MDGA2: variants seen among roughly 807,000 people sequenced by gnomAD.
MDGA2 encodes MAM domain-containing glycosylphosphatidylinositol anchor protein 2.
Under a neutral mutation model 117.8 loss-of-function variants are expected in MDGA2, and 40 were observed. That is an observed-to-expected ratio of 0.34 (90% CI 0.26 to 0.44). The LOEUF (loss-of-function observed/expected upper bound fraction) is 0.44, where lower values mean the gene tolerates loss of function less well. Among genes scored for constraint, MDGA2 ranks in the 20% least tolerant of loss-of-function variants. The pLI, the probability that MDGA2 is intolerant of heterozygous loss-of-function variation, is 1.00. For synonymous variants in MDGA2, 452 were observed against 439.0 expected (o/e 1.03, Z -0.37); for missense variants, 1,123 against 1,250.6 (o/e 0.90, Z 1.54).
chr14:47,379,986 A>G (rs1436686380), intron 1 of MDGA2, among the ~76,000 whole-genome samples: 2 of 152,222 alleles, frequency 1.3e-5, no homozygotes, highest in African/African-American at 2.4e-5. Context: ...AGGACTCCTC[A>G]GCAAATGTAA....
At chr14:46,847,615 T>C (rs1457809136) in intron 15 of MDGA2, among the ~76,000 whole-genome samples, 2 of 151,806 alleles carry the variant, frequency 1.3e-5, no homozygotes, top group African/African-American at 4.8e-5. Context: ...TGAGAAAGGA[T>C]TTAGAAAAAA....
At chr14:47,661,523 T>TATGCCTGGTGCACTGAAAGCTC (rs1460599413) in intron 1 of MDGA2, among the ~76,000 whole-genome samples, 7 of 152,172 alleles carry the variant, frequency 4.6e-5, no homozygotes, top group Admixed American at 2.0e-4. Flanking sequence ...TGAATATAGA[T>TATGCCTGGTGCACTGAAAGCTC]ATGCCTGGTG....
intron 1 of MDGA2, among the ~76,000 whole-genome samples, chr14:47,358,651 A>T (rs1227085184): frequency 6.6e-6 from 1 of 152,224 alleles, no homozygotes; most frequent in Non-Finnish European, 1.5e-5. Flanking sequence ...AATCAGTTGC[A>T]TGTCTTTACG....
chr14:47,030,971 A>C (rs1888643856), intron 8 of MDGA2, among the ~76,000 whole-genome samples: 1 of 152,144 alleles, frequency 6.6e-6, no homozygotes, highest in South Asian at 2.1e-4. Flanking sequence ...TGTAGTGACT[A>C]TGTTACTCTT....
At chr14:47,634,240 GTATAT>G (rs1336570066) in intron 1 of MDGA2, among the ~76,000 whole-genome samples, 1 of 152,076 alleles carries the variant, frequency 6.6e-6, no homozygotes, top group African/African-American at 2.4e-5. Context: ...AATGAATTTT[GTATAT>G]TATGACACAT....
At chr14:47,458,376 T>TC (rs974522366) in intron 1 of MDGA2, among the ~76,000 whole-genome samples, 2 of 152,164 alleles carry the variant, frequency 1.3e-5, no homozygotes, top group Non-Finnish European at 2.9e-5. Flanking sequence ...CAAGCAGTTT[T>TC]CCCCTCATGG....
At chr14:47,386,940 T>C (rs1021849385) in intron 1 of MDGA2, among the ~76,000 whole-genome samples, 2 of 152,176 alleles carry the variant, frequency 1.3e-5, no homozygotes, top group African/African-American at 4.8e-5. Flanking sequence ...TTTATGAGGA[T>C]AATATGAAGG....
At chr14:47,085,390 T>C (rs1890860500) in intron 6 of MDGA2, among the ~76,000 whole-genome samples, 1 of 152,110 alleles carries the variant, frequency 6.6e-6, no homozygotes, top group Non-Finnish European at 1.5e-5. Flanking sequence ...ACTAAGGAAT[T>C]TGAATAACCT....
chr14:47,167,083 T>G (rs142110728), intron 3 of MDGA2, among the ~76,000 whole-genome samples: 2 of 152,210 alleles, frequency 1.3e-5, no homozygotes, highest in African/African-American at 4.8e-5. Flanking sequence ...CTGGTATGTC[T>G]AACCTAGGAG....
intron 1 of MDGA2, among the ~76,000 whole-genome samples, chr14:47,309,202 A>G (rs966914854): frequency 1.3e-5 from 2 of 152,158 alleles, no homozygotes; most frequent in Non-Finnish European, 2.9e-5. Context: ...CAACATATAT[A>G]TTATTTTAAG....
intron 8 of MDGA2, among the ~76,000 whole-genome samples, chr14:47,007,503 T>A (rs1887753607): frequency 6.6e-6 from 1 of 151,764 alleles, no homozygotes; most frequent in African/African-American, 2.4e-5. Context: ...TAGTATACAT[T>A]AAAATTTTAC....
At chr14:47,543,046 C>CA (rs1162221192) in intron 1 of MDGA2, among the ~76,000 whole-genome samples, 11 of 151,882 alleles carry the variant, frequency 7.2e-5, no homozygotes, top group Non-Finnish European at 1.5e-4. Context: ...CCTGTCTTTA[C>CA]AAAAAAATAG....
At chr14:47,669,267 G>C (rs1898032139) in intron 1 of MDGA2, among the ~76,000 whole-genome samples, 1 of 152,114 alleles carries the variant, frequency 6.6e-6, no homozygotes, top group Non-Finnish European at 1.5e-5. Context: ...GAGATAATAA[G>C]ATTAAGCAAA....
chr14:47,414,116 C>T (rs1892427638), intron 1 of MDGA2, among the ~76,000 whole-genome samples: 1 of 152,074 alleles, frequency 6.6e-6, no homozygotes, highest in Admixed American at 6.6e-5. Context: ...ATATGAAGTC[C>T]TAGTGAGATA....
Position 47,298,778 on chromosome 14 carries a change from A to G in MDGA2, c.420+2633T>C, listed in dbSNP as rs1234879133. 4.2e-5 allele frequency among the ~76,000 whole-genome samples: 6 copies of G among 142,002 alleles called. No individual in the cohort carries two copies. In the East Asian group the frequency reaches 6.3e-4, roughly 15 times the overall value. 93.2% of individuals were successfully genotyped at this position (142,002 alleles called of 152,430 possible). On this transcript the variant is annotated intron_variant, in intron 2 of 16. Transcript: ENST00000399232. ...CGGCTCACTGCAAGCTCCGCCTCCC[A>G]GGTTCACGCCATTCTCCTGCCTCAG...
At chr14:47,410,992 C>T (rs1241582890) in intron 1 of MDGA2, among the ~76,000 whole-genome samples, 3 of 152,126 alleles carry the variant, frequency 2.0e-5, no homozygotes, top group African/African-American at 7.2e-5. Context: ...GAATCTGTGT[C>T]TTCTAGGGCT....
rs145088139 is a variant in MDGA2 at position 47,257,203 on chromosome 14, G to A, written c.421-39008C>T. Among the ~76,000 whole-genome samples the A allele has an allele frequency of 1.9e-3, 288 of 152,178 alleles. 3 individuals are homozygous for A. The highest frequency in any genetic ancestry group is 6.7e-3 in the African/African-American group (278 of 41,514). On this transcript the variant is annotated intron_variant, in intron 2 of 16. Transcript: ENST00000399232. ...ATTTCAATAGACACCATGGCTCTGTGTTTCTGCTCCCCTTGCTTGTCAGAT... is the reference window on the plus strand; with the variant it reads ...ATTTCAATAGACACCATGGCTCTGTATTTCTGCTCCCCTTGCTTGTCAGAT...
At chr14:47,461,269 A>ATGTGTGTGTGTGTGTGTGTGTG (rs55889646) in intron 1 of MDGA2, among the ~76,000 whole-genome samples, 3,712 of 142,882 alleles carry the variant, frequency 0.026, 78 homozygotes, top group Non-Finnish European at 0.029. Context: ...AAAAAAATGT[A>ATGTGTGTGTGTGTGTGTGTGTG]TGTGTGTGTG....
At position 47,112,963 on chromosome 14, in the gene MDGA2, T is replaced by C. The variant is rs989644886; in HGVS notation, c.926-15840A>G. 4.6e-5 allele frequency among the ~76,000 whole-genome samples: 7 copies of C among 152,204 alleles called. No individual in the cohort carries two copies. In the East Asian group the frequency reaches 1.2e-3, roughly 25 times the overall value. On this transcript the variant is annotated intron_variant, in intron 5 of 16. Coordinates refer to ENST00000399232, the MANE Select transcript of MDGA2 (RefSeq NM_001113498.3). ...ACTGGCATGAGGTGGTATCTCATTG[T>C]GGTTTTCATTTGCATTTCTCTAGTA...
Sources: allele counts gnomAD v4.1 joint callset (sites outside exome capture counted in the v4.1 genomes callset), GRCh38; gene constraint gnomAD v4.1.1; transcripts MANE v1.5; gene names NCBI Gene and HGNC (gene_info 2026-07-23, HGNC 2026-07-21).